The following PRR12 variants were observed in gnomAD, a reference collection of about 807,000 sequenced individuals.
PRR12 encodes proline-rich protein 12.
A neutral mutation model predicts 138.0 loss-of-function variants in PRR12; 12 were observed. That is an observed-to-expected ratio of 0.09 (90% CI 0.06 to 0.14). The LOEUF (loss-of-function observed/expected upper bound fraction) is 0.14. PRR12 is among the 10% of genes least tolerant of loss of function. The pLI is 1.00. For missense variants in PRR12, 2,692 were observed against 2,861.3 expected, an observed-to-expected ratio of 0.94 and a Z score of 1.35; for synonymous variants, 1,567 against 1,291.7, an observed-to-expected ratio of 1.21 and a Z score of -4.57.
intron 10 of PRR12, 103 bp from the exon 11 acceptor site, chr19:49,621,422 C>CT: frequency 1.1e-6 from 1 of 908,232 alleles, no homozygotes; most frequent in Non-Finnish European, 1.7e-6. Flanking sequence ...ACTTTTGTCT[C>CT]TGAGTGGGAA....
chr19:49,598,075 C>CTTTT, intron 4 of PRR12, 62 bp downstream of exon 4: 2 of 1,140,836 alleles, frequency 1.8e-6, no homozygotes, highest in Non-Finnish European at 2.2e-6. Flanking sequence ...ATGTTTGAGT[C>CTTTT]TTTTTTTTTT....
chr19:49,597,100 A>C lies in PRR12; in HGVS notation c.2765A>C (p.Lys922Thr), dbSNP rs1450914306. 2 of 1,551,354 alleles carry C rather than the reference A, an allele frequency of 1.3e-6. No homozygotes were observed. ...AYRSPSPQGTKAPRFVPLTSI... is the reference protein window; with the variant it reads ...AYRSPSPQGTTAPRFVPLTSI... ...CGCAGCCCCAGCCCGCAAGGCACCA[A>C]GGCGCCGCGTTTCGTGCCGCTCACC... Residue 922 changes from lysine to threonine, a missense_variant, in exon 4 of 14, where the codon AAG becomes ACG. This residue lies in a region of PRR12 where 840 missense variants were observed against 689.8 expected (regional missense o/e 1.22). Coordinates refer to ENST00000418929, the MANE Select transcript of PRR12 (RefSeq NM_020719.3). This position sits in a 1 kb window ranked among gnomAD's most constrained non-coding sequence, Gnocchi z 6.3.
At chr19:49,618,387 T>C (rs12980276) in intron 9 of PRR12, among the ~76,000 whole-genome samples, 9,716 of 150,508 alleles carry the variant, frequency 0.065, 432 homozygotes, top group Middle Eastern at 0.14. Flanking sequence ...CTTTTCCTTT[T>C]CTTTTCTTTT....
At chr19:49,615,499 AGACCCAGAGAGGGAGGGG>A (rs2080887191) in intron 8 of PRR12, among the ~76,000 whole-genome samples, 1 of 145,964 alleles carries the variant, frequency 6.9e-6, no homozygotes, top group African/African-American at 2.5e-5. Context: ...AGGGGGTCAG[AGACCCAGAGAGGGAGGGG>A]GTCAGAGACC....
chr19:49,610,565 T>C (rs1200602193), intron 6 of PRR12, among the ~76,000 whole-genome samples: 12 of 150,420 alleles, frequency 8.0e-5, no homozygotes, highest in African/African-American at 2.7e-4. Flanking sequence ...TTTTTTGAGA[T>C]GGAGTCTCGC....
chr19:49,601,193 A>G (rs1471070752), intron 5 of PRR12, among the ~76,000 whole-genome samples: 1 of 152,048 alleles, frequency 6.6e-6, no homozygotes, highest in Non-Finnish European at 1.5e-5. Context: ...GGAGGTGATG[A>G]TTTAGGAGTT....
At chr19:49,591,856 T>C in intron 1 of PRR12, 116 bp downstream of exon 1, 1 of 548,920 alleles carries the variant, frequency 1.8e-6, no homozygotes, top group Non-Finnish European at 2.9e-6. Flanking sequence ...CCCCTCCGGC[T>C]TGCAAGGGAG....
Position 49,595,683 on chromosome 19 carries a change from G to A in PRR12, c.1348G>A (p.Gly450Arg). Reference protein sequence around the residue: ...GQAYSPGQPQGLLGPQAYGQG... With the variant: ...GQAYSPGQPQRLLGPQAYGQG... ...GGCTTATTCCCCCGGTCAGCCTCAA[G>A]GGCTTCTGGGACCCCAGGCCTACGG... The change falls in exon 4 of 14, where the codon GGG (glycine) becomes AGG (arginine). Residue 450 changes from glycine (G) to arginine (R), a missense_variant. Coordinates refer to ENST00000418929, the MANE Select transcript of PRR12 (RefSeq NM_020719.3). 6.3e-7 allele frequency: 1 copy of A among 1,595,294 alleles called. No homozygotes were observed. The highest frequency in any genetic ancestry group is 8.5e-7 in the Non-Finnish European group (1 of 1,171,464).
Position 49,595,756 on chromosome 19 carries a change from G to A in PRR12, c.1421G>A (p.Ser474Asn). Residue 474 changes from serine to asparagine, a missense_variant, in exon 4 of 14, where the codon AGC becomes AAC. Transcript: ENST00000418929. The part of the protein sequence containing the change: ...GQAQDLSKAP[S>N]YSGGPPQPPS... ...GCACAGGACTTGAGCAAAGCCCCCA[G>A]CTACTCAGGGGGCCCCCCACAGCCC... 1.2e-6 allele frequency: 2 copies of A among 1,600,784 alleles called. No individual in the cohort carries two copies. Among genetic ancestry groups the A allele is most frequent in the Non-Finnish European group, 1.7e-6 (2 of 1,174,190 alleles).
chr19:49,620,287 G>A (rs2080915171), intron 9 of PRR12, 65 bp from the exon 10 acceptor site: 2 of 1,598,872 alleles, frequency 1.3e-6, no homozygotes, highest in East Asian at 4.5e-5. Flanking sequence ...TGAGAACAGT[G>A]TCTGCCACAC....
intron 9 of PRR12, among the ~76,000 whole-genome samples, chr19:49,618,922 C>T (rs1218842777): frequency 6.6e-6 from 1 of 151,978 alleles, no homozygotes; most frequent in Non-Finnish European, 1.5e-5. Flanking sequence ...TACACTCACC[C>T]CTTCCCTGCT....
chr19:49,592,399 C>T (rs1014346736), intron 1 of PRR12, among the ~76,000 whole-genome samples: 1 of 152,190 alleles, frequency 6.6e-6, no homozygotes, highest in African/African-American at 2.4e-5. Flanking sequence ...TGGCCACGGA[C>T]TGGTGCCGTT....
At chr19:49,602,039 G>A (rs2080814973) in intron 6 of PRR12, 121 bp downstream of exon 6, 1 of 1,240,540 alleles carries the variant, frequency 8.1e-7, no homozygotes, top group Non-Finnish European at 1.1e-6. Context: ...GGGCCGCCCT[G>A]GAATTTGCAG....
Position 49,595,941 on chromosome 19 carries a change from G to T in PRR12, c.1606G>T (p.Gly536Cys). 6.2e-7 allele frequency: 1 copy of T among 1,601,402 alleles called. No homozygotes were observed. The stretch of plus-strand genomic sequence containing the variant: ...CAGCCCCTCGCTCAGCTACAGTACC[G>T]GCCATTCCCCAGCGCTCTCGGGCCA... The part of the protein sequence containing the change: ...TASPSLSYST[G>C]HSPALSGHGG... The change falls in exon 4 of 14, where the codon GGC (glycine) becomes TGC (cysteine). Residue 536 changes from glycine to cysteine, a missense_variant. This residue lies in a region of PRR12 where 523 missense variants were observed against 496.4 expected (regional missense o/e 1.05). Coordinates refer to ENST00000418929, the MANE Select transcript of PRR12 (RefSeq NM_020719.3).
chr19:49,600,622 C>T (rs1168159716), intron 5 of PRR12, among the ~76,000 whole-genome samples: 2 of 151,868 alleles, frequency 1.3e-5, no homozygotes, highest in Non-Finnish European at 2.9e-5. Context: ...CACTGTACTC[C>T]AGCCTGGGTG....
In PRR12 at chr19:49,596,273, C is replaced by T. The variant is rs1336656638; in HGVS notation, c.1938C>T (p.Leu646=). 1 of 1,611,524 alleles carries T rather than the reference C, an allele frequency of 6.2e-7. No individual in the cohort carries two copies. Among genetic ancestry groups the T allele is most frequent in the Admixed American group, 1.7e-5 (1 of 59,890 alleles). ...TEDEEFLIQH[L]LQAPSPPRTS... is the part of the protein sequence containing the mutation. ...ATGAGGAGTTCCTTATCCAGCACCT[C>T]TTGCAGGCGCCCAGCCCTCCTCGGA... is the stretch of plus-strand genomic sequence containing the variant. The change falls in exon 4 of 14, where the codon CTC becomes CTT. Residue 646 remains leucine (L), a synonymous_variant. Transcript: ENST00000418929. This position sits in a 1 kb window ranked among gnomAD's most constrained non-coding sequence, Gnocchi z 5.6.
intron 11 of PRR12, among the ~76,000 whole-genome samples, chr19:49,623,547 G>A (rs2080936609): frequency 6.6e-6 from 1 of 152,010 alleles, no homozygotes; most frequent in Admixed American, 6.6e-5. Context: ...CAGAATAATG[G>A]TGTGAACCCG....
intron 11 of PRR12, among the ~76,000 whole-genome samples, chr19:49,622,599 A>AG (rs1203840464): frequency 6.8e-6 from 1 of 146,926 alleles, no homozygotes; most frequent in African/African-American, 2.5e-5. Context: ...CCAAAAAAGA[A>AG]AAAAAAAACA....
Position 49,593,421 on chromosome 19 carries a change from A to G in PRR12, c.181A>G (p.Thr61Ala). Residue 61 changes from threonine (T) to alanine (A), a missense_variant, in exon 2 of 14, where the codon ACC (threonine) becomes GCC (alanine). Thr to Ala is a moderately conservative substitution (Grantham distance 58, BLOSUM62 0). This residue lies in a region of PRR12 where 211 missense variants were observed against 266.3 expected (regional missense o/e 0.79). Transcript: ENST00000418929. ...CCCCCACCCACTGCAAAGCTATGCC[A>G]CCAACCACCACCCGGCAGGTACGGC... ...AAPHPLQSYA[T>A]NHHPAGLSGL... 1.9e-6 allele frequency: 3 copies of G among 1,569,354 alleles called. No individual in the cohort carries two copies. In the South Asian group the frequency reaches 3.4e-5, roughly 18 times the overall value.
Sources: gnomAD v4.1 joint callset for allele counts (sites outside exome capture counted in the v4.1 genomes callset) on GRCh38, gnomAD v4.1.1 for gene constraint, gnomAD v4.1.1 regional missense constraint, Gnocchi (gnomAD v3.1) non-coding constraint, MANE v1.5 for transcripts, NCBI Gene and HGNC (gene_info 2026-07-23, HGNC 2026-07-21) for gene names.